The following HAVCR1 variants were observed in gnomAD, a reference collection of about 807,000 sequenced individuals.
HAVCR1 encodes hepatitis A virus cellular receptor 1.
HAVCR1 carries 34 observed loss-of-function variants against 32.0 expected under a neutral mutation model. That is an observed-to-expected ratio of 1.06 (90% CI 0.81 to 1.42). The LOEUF (loss-of-function observed/expected upper bound fraction) is 1.42. HAVCR1 is among the 40% of genes most tolerant of loss of function. The probability of loss-of-function intolerance (pLI) is 0.00; values close to 1 mark genes in which losing one functional copy is unlikely to be tolerated. For synonymous variants in HAVCR1, 178 were observed against 170.3 expected, an observed-to-expected ratio of 1.05 and a Z score of -0.35; for missense variants, 420 against 442.3, an observed-to-expected ratio of 0.95 and a Z score of 0.45.
At chr5:157,054,878 T>C (rs974948643) in intron 3 of HAVCR1, among the ~76,000 whole-genome samples, 2 of 152,228 alleles carry the variant, frequency 1.3e-5, no homozygotes, top group African/African-American at 4.8e-5. Flanking sequence ...GTGCATAGTT[T>C]ACATGCAAAT....
chr5:157,045,678 C>G (rs1447748435), intron 5 of HAVCR1, among the ~76,000 whole-genome samples: 1 of 152,184 alleles, frequency 6.6e-6, no homozygotes, highest in Non-Finnish European at 1.5e-5. Context: ...GCACATACAT[C>G]TGTCAAAGGT....
chr5:157,029,726 C>G lies in HAVCR1; in HGVS notation c.*7G>C. 5 of 1,613,080 alleles carry G rather than the reference C, an allele frequency of 3.1e-6. No individual in the cohort carries two copies. Among genetic ancestry groups the G allele is most frequent in the Non-Finnish European group, 4.2e-6 (5 of 1,179,936 alleles). On this transcript the variant is annotated 3_prime_UTR_variant, in exon 9 of 9. Coordinates refer to ENST00000523175, the MANE Select transcript of HAVCR1 (RefSeq NM_001173393.3). ...GGGCGTAAACTCTCAAAGAGCACCA[C>G]TGGGTCTTAGTCCGTGGCATAAAGA...
the HAVCR1 span, among the ~76,000 whole-genome samples, chr5:157,066,555 G>T: frequency 2.1e-5 from 3 of 143,952 alleles, no homozygotes; most frequent in South Asian, 4.3e-4. Context: ...AATCCTGGGT[G>T]TTTTTTTTTT....
the HAVCR1 span, among the ~76,000 whole-genome samples, chr5:157,066,347 T>A: frequency 2.0e-5 from 3 of 151,042 alleles, no homozygotes; most frequent in African/African-American, 7.3e-5. Flanking sequence ...TTTCAAGGAG[T>A]TTGCATGGAG....
chr5:157,029,832 A>C lies in HAVCR1; in HGVS notation c.996T>G (p.Phe332Leu). 1 of 1,612,300 alleles carries C rather than the reference A, an allele frequency of 6.2e-7. No homozygotes were observed. The highest frequency in any genetic ancestry group is 8.5e-7 in the Non-Finnish European group (1 of 1,179,236). The part of the protein sequence containing the change: ...KKEVQQLSVS[F>L]SSLQIKALQN... ...GCAAAGCTTTAATTTGAAGGCTGCTAAATGAAACACTGTAGAAAGAGTTGT... is the reference window on the plus strand; with the variant it reads ...GCAAAGCTTTAATTTGAAGGCTGCTCAATGAAACACTGTAGAAAGAGTTGT... The change falls in exon 9 of 9, where the codon TTT (phenylalanine) becomes TTG (leucine). Residue 332 changes from phenylalanine to leucine, a missense_variant. Phe to Leu is a conservative substitution (Grantham distance 22, BLOSUM62 0). Coordinates refer to ENST00000523175, the MANE Select transcript of HAVCR1 (RefSeq NM_001173393.3).
chr5:157,042,794 T>C (rs570882956), intron 5 of HAVCR1, 112 bp from the exon 6 acceptor site: 7 of 673,568 alleles, frequency 1.0e-5, no homozygotes, highest in African/African-American at 9.1e-5. Flanking sequence ...AATGATAATA[T>C]GACCAAATTC....
At chr5:157,067,607 G>A in the HAVCR1 span, among the ~76,000 whole-genome samples, 4,705 of 152,306 alleles carry the variant, frequency 0.031, 125 homozygotes, top group African/African-American at 0.069. Flanking sequence ...GGTCAAGGCT[G>A]CAAGGAGCTG....
At position 157,029,700 on chromosome 5, in the gene HAVCR1, T is replaced by C. The variant is rs755774394; in HGVS notation, c.*33A>G. ...ATGTCTGTTCAGTCTTCTGCACTCA[T>C]GGGCGTAAACTCTCAAAGAGCACCA... On this transcript the variant is annotated 3_prime_UTR_variant, in exon 9 of 9. Coordinates refer to ENST00000523175, the MANE Select transcript of HAVCR1 (RefSeq NM_001173393.3). 1.2e-6 allele frequency: 2 copies of C among 1,612,364 alleles called. No individual in the cohort carries two copies. The highest frequency in any genetic ancestry group is 2.7e-5 in the African/African-American group (2 of 74,910).
At chr5:157,058,102 T>A in intron 1 of HAVCR1, 147 bp from the exon 2 acceptor site, 1 of 639,632 alleles carries the variant, frequency 1.6e-6, no homozygotes, top group South Asian at 1.8e-5. Context: ...GAAGACCACA[T>A]ATAACGGCTT....
At chr5:157,033,073 C>T (rs1164556340) in intron 7 of HAVCR1, among the ~76,000 whole-genome samples, 186 bp from the exon 8 acceptor site, 1 of 152,070 alleles carries the variant, frequency 6.6e-6, no homozygotes, top group Non-Finnish European at 1.5e-5. Flanking sequence ...ATTTACTGTC[C>T]AGTATCTCAA....
At chr5:157,032,287 G>A (rs1035821267) in intron 8 of HAVCR1, among the ~76,000 whole-genome samples, 8 of 152,156 alleles carry the variant, frequency 5.3e-5, no homozygotes, top group Admixed American at 1.3e-4. Flanking sequence ...GGGAGGCCGA[G>A]GCAGGCAGAT....
At chr5:157,044,611 GAAAGAGAAAGAAAGAAAGAAAGAA>G (rs766958939) in intron 5 of HAVCR1, among the ~76,000 whole-genome samples, 3,489 of 66,412 alleles carry the variant, frequency 0.053, 90 homozygotes, top group Admixed American at 0.11. Flanking sequence ...AAGAAAGAAA[GAAAGAGAAAGAAAGAAAGAAAGAA>G]AGAAAGAAAG....
chr5:157,063,283 A>T (rs1348764578), upstream of HAVCR1, among the ~76,000 whole-genome samples: 1 of 130,948 alleles, frequency 7.6e-6, no homozygotes, highest in East Asian at 2.8e-4. Flanking sequence ...CATGTAACTT[A>T]CATTTTTTTT....
intron 3 of HAVCR1, among the ~76,000 whole-genome samples, chr5:157,054,305 G>A (rs1487100462): frequency 1.3e-5 from 2 of 151,352 alleles, no homozygotes; most frequent in African/African-American, 4.9e-5. Context: ...TTCAAGACCA[G>A]CCTGGCCAAC....
At chr5:157,034,534 T>G (rs914038585) in intron 7 of HAVCR1, among the ~76,000 whole-genome samples, 3 of 151,082 alleles carry the variant, frequency 2.0e-5, no homozygotes, top group Non-Finnish European at 4.4e-5. Flanking sequence ...CAAAGAGGCC[T>G]TCCTCTTTCA....
upstream of HAVCR1, among the ~76,000 whole-genome samples, chr5:157,064,081 G>A (rs1756549085): frequency 6.6e-6 from 1 of 152,210 alleles, no homozygotes; most frequent in South Asian, 2.1e-4. Flanking sequence ...CAAGGGCATA[G>A]GGTGACAGTA....
chr5:157,054,816 T>C (rs1284164509), intron 3 of HAVCR1, among the ~76,000 whole-genome samples: 1 of 152,220 alleles, frequency 6.6e-6, no homozygotes, highest in Non-Finnish European at 1.5e-5. Context: ...GTATTTACAT[T>C]GTATTCGGTG....
chr5:157,060,106 G>A (rs1249281097), upstream of HAVCR1, among the ~76,000 whole-genome samples: 2 of 152,128 alleles, frequency 1.3e-5, no homozygotes, highest in African/African-American at 4.8e-5. Context: ...CAATCGGGCA[G>A]GGACATGGGT....
At chr5:157,058,687 G>GCA (rs1756381628) in intron 1 of HAVCR1, among the ~76,000 whole-genome samples, 1 of 152,238 alleles carries the variant, frequency 6.6e-6, no homozygotes, top group African/African-American at 2.4e-5. Flanking sequence ...GCTTTTCAGA[G>GCA]TAAACTGGGC....
Sources: gnomAD v4.1 joint callset for allele counts (sites outside exome capture counted in the v4.1 genomes callset) on GRCh38, gnomAD v4.1.1 for gene constraint, MANE v1.5 for transcripts, NCBI Gene and HGNC (gene_info 2026-07-23, HGNC 2026-07-21) for gene names.